Variants in MRPL48 observed in about 807,000 individuals in gnomAD.
MRPL48 encodes the protein mitochondrial ribosomal protein L48, also known as large ribosomal subunit protein mL48.
In MRPL48, 16 loss-of-function variants were observed where a neutral mutation model predicts 32.9. The ratio of observed to expected loss-of-function variants is 0.49; its 90% CI spans 0.33 to 0.74. The LOEUF is 0.74. Ranked by LOEUF, MRPL48 falls within the 30% of genes least tolerant of loss-of-function variation. The pLI is 0.02. For synonymous variants in MRPL48, 94 were observed against 89.2 expected, an observed-to-expected ratio of 1.05 and a Z score of -0.31; for missense variants, 206 against 245.3, an observed-to-expected ratio of 0.84 and a Z score of 1.07.
chr11:73,796,654 CTG>C (rs928134417), intron 1 of MRPL48, among the ~76,000 whole-genome samples: 60 of 152,314 alleles, frequency 3.9e-4, no homozygotes, highest in African/African-American at 1.4e-3. Context: ...TGCCTGAAGT[CTG>C]GGGCTAGGCT....
At chr11:73,849,482 G>T (rs1190231646) in intron 5 of MRPL48, among the ~76,000 whole-genome samples, 1 of 152,148 alleles carries the variant, frequency 6.6e-6, no homozygotes, top group Non-Finnish European at 1.5e-5. Context: ...GCCTTTTTCA[G>T]AATTCCATAC....
At chr11:73,817,370 T>G (rs1170130870) in intron 3 of MRPL48, among the ~76,000 whole-genome samples, 1 of 152,206 alleles carries the variant, frequency 6.6e-6, no homozygotes, top group Non-Finnish European at 1.5e-5. Flanking sequence ...TTTCTGAAAG[T>G]AGAACTATTG....
intron 1 of MRPL48, among the ~76,000 whole-genome samples, chr11:73,799,284 C>T (rs1037522737): frequency 4.6e-5 from 7 of 151,900 alleles, no homozygotes; most frequent in Admixed American, 6.6e-5. Context: ...TCTAGGGGGT[C>T]GAGGTTGCAG....
intron 1 of MRPL48, among the ~76,000 whole-genome samples, chr11:73,802,690 C>CTT (rs927078105): frequency 3.4e-5 from 5 of 147,042 alleles, no homozygotes; most frequent in African/African-American, 1.3e-4. Context: ...GGCATATAAG[C>CTT]TTTTTTTTTT....
At chr11:73,809,503 CA>C (rs11317887) in intron 3 of MRPL48, among the ~76,000 whole-genome samples, 37,865 of 102,778 alleles carry the variant, frequency 0.37, 4,559 homozygotes, top group African/African-American at 0.42. Flanking sequence ...GACTCCGTCT[CA>C]AAAAAAAAAA....
chr11:73,850,381 A>G (rs1403318998), intron 5 of MRPL48: 5 of 170,418 alleles, frequency 2.9e-5, no homozygotes, highest in South Asian at 1.8e-4. Context: ...AGATCATCCT[A>G]GGAAGCCTGC....
intron 5 of MRPL48, among the ~76,000 whole-genome samples, chr11:73,851,975 T>C (rs1202223919): frequency 2.0e-5 from 3 of 151,852 alleles, no homozygotes; most frequent in Non-Finnish European, 4.4e-5. Context: ...TGTACATACA[T>C]ACCGAGAGAC....
intron 3 of MRPL48, among the ~76,000 whole-genome samples, chr11:73,812,821 C>T (rs1947593296): frequency 6.6e-6 from 1 of 151,224 alleles, no homozygotes; most frequent in Non-Finnish European, 1.5e-5. Flanking sequence ...ACGATCTTGG[C>T]TCACTGCAAC....
intron 7 of MRPL48, 67 bp from the exon 8 acceptor site, chr11:73,864,229 C>T: frequency 7.0e-7 from 1 of 1,438,626 alleles, no homozygotes; most frequent in Admixed American, 2.0e-5. Context: ...TTTTTGGATG[C>T]TGTGCATATC....
At chr11:73,788,861 T>C (rs1947098237) in intron 1 of MRPL48, among the ~76,000 whole-genome samples, 1 of 152,370 alleles carries the variant, frequency 6.6e-6, no homozygotes, top group Admixed American at 6.5e-5. Flanking sequence ...CTGGGCTTTC[T>C]CCCGTTCCCT....
chr11:73,819,334 G>A (rs1041010739), intron 3 of MRPL48, among the ~76,000 whole-genome samples: 5 of 152,212 alleles, frequency 3.3e-5, no homozygotes, highest in East Asian at 3.8e-4. Flanking sequence ...TTTCACCTAC[G>A]ATGTGTTATC....
intron 5 of MRPL48, among the ~76,000 whole-genome samples, chr11:73,846,820 T>A (rs1296002709): frequency 6.6e-6 from 1 of 152,074 alleles, no homozygotes; most frequent in African/African-American, 2.4e-5. Context: ...CTCCTCTCTC[T>A]CCCAAATAGC....
chr11:73,861,592 C>T (rs1325019442), intron 6 of MRPL48, among the ~76,000 whole-genome samples: 2 of 152,140 alleles, frequency 1.3e-5, no homozygotes, highest in Non-Finnish European at 2.9e-5. Flanking sequence ...TGGTCTCAAC[C>T]TACTGACCTC....
chr11:73,828,375 C>T (rs1947938138), intron 4 of MRPL48, among the ~76,000 whole-genome samples: 1 of 151,978 alleles, frequency 6.6e-6, no homozygotes, highest in Non-Finnish European at 1.5e-5. Context: ...CAGGCATGCA[C>T]CACCACACCC....
intron 1 of MRPL48, among the ~76,000 whole-genome samples, chr11:73,798,444 T>C (rs1377055811): frequency 2.0e-5 from 3 of 152,054 alleles, no homozygotes; most frequent in Non-Finnish European, 4.4e-5. Context: ...GCAATGATTA[T>C]TGCCTTCAAA....
intron 1 of MRPL48, among the ~76,000 whole-genome samples, chr11:73,795,687 T>TA (rs1947243180): frequency 6.7e-6 from 1 of 150,164 alleles, no homozygotes; most frequent in South Asian, 2.1e-4. Context: ...TTTTTTTTTT[T>TA]AGTAGAGATG....
At chr11:73,811,588 GTAT>G (rs962493823) in intron 3 of MRPL48, among the ~76,000 whole-genome samples, 17 of 151,914 alleles carry the variant, frequency 1.1e-4, no homozygotes, top group African/African-American at 3.9e-4. Flanking sequence ...TGTCTTTTTT[GTAT>G]TAAAACAAAA....
intron 5 of MRPL48, among the ~76,000 whole-genome samples, chr11:73,857,519 A>G (rs886428720): frequency 5.3e-5 from 8 of 150,462 alleles, no homozygotes; most frequent in Non-Finnish European, 7.4e-5. Context: ...GGCTTAAGCA[A>G]TCCTCCTGTC....
At chr11:73,826,304 G>A (rs935299510) in intron 4 of MRPL48, among the ~76,000 whole-genome samples, 4 of 152,030 alleles carry the variant, frequency 2.6e-5, no homozygotes, top group Non-Finnish European at 5.9e-5. Context: ...ACAGGCATGA[G>A]CCACCATGGC....
Sources: gnomAD v4.1 joint callset for allele counts (sites outside exome capture counted in the v4.1 genomes callset) on GRCh38, gnomAD v4.1.1 for gene constraint, MANE v1.5 for transcripts, NCBI Gene and HGNC (gene_info 2026-07-23, HGNC 2026-07-21) for gene names.